The following KANSL1L variants were observed in gnomAD, a reference collection of about 807,000 sequenced individuals.
The protein encoded by KANSL1L is KAT8 regulatory NSL complex subunit 1 like.
A neutral mutation model predicts 108.6 loss-of-function variants in KANSL1L; 25 were observed. The ratio of observed to expected loss-of-function variants is 0.23; its 90% CI spans 0.17 to 0.32. The LOEUF is 0.32. Among genes scored for constraint, KANSL1L ranks in the 10% least tolerant of loss-of-function variants. The pLI is 1.00. For synonymous variants in KANSL1L, 405 were observed against 395.1 expected, an observed-to-expected ratio of 1.03 and a Z score of -0.30; for missense variants, 1,137 against 1,125.7, an observed-to-expected ratio of 1.01 and a Z score of -0.14.
chr2:210,117,518 T>C (rs975841648), intron 3 of KANSL1L, among the ~76,000 whole-genome samples: 1 of 151,918 alleles, frequency 6.6e-6, no homozygotes, highest in African/African-American at 2.4e-5. Context: ...AGAAACAACA[T>C]ACAAAGGAGC....
intron 3 of KANSL1L, among the ~76,000 whole-genome samples, chr2:210,126,825 T>A (rs1348425349): frequency 6.6e-6 from 1 of 152,044 alleles, no homozygotes; most frequent in Non-Finnish European, 1.5e-5. Context: ...CTCAAAAATA[T>A]ATATAAATAA....
intron 2 of KANSL1L, among the ~76,000 whole-genome samples, chr2:210,139,738 T>C (rs2095210695): frequency 6.6e-6 from 1 of 151,310 alleles, no homozygotes; most frequent in Non-Finnish European, 1.5e-5. Flanking sequence ...CCTTTGCCCA[T>C]TTCCTTTTTT....
chr2:210,034,639 T>C (rs2094075088), intron 8 of KANSL1L, among the ~76,000 whole-genome samples: 1 of 152,216 alleles, frequency 6.6e-6, no homozygotes, highest in Non-Finnish European at 1.5e-5. Flanking sequence ...AAAAGTCTAT[T>C]TCAGCAGTAT....
At chr2:210,162,278 G>C (rs1261442218) in intron 1 of KANSL1L, among the ~76,000 whole-genome samples, 1 of 123,864 alleles carries the variant, frequency 8.1e-6, no homozygotes, top group Non-Finnish European at 1.7e-5. Context: ...TAAAGAACTT[G>C]TTTCAAGACA....
intron 10 of KANSL1L, chr2:210,029,201 G>T (rs1218983484): frequency 5.2e-6 from 2 of 382,634 alleles, no homozygotes; most frequent in African/African-American, 4.2e-5. Context: ...ATGTGTGCAA[G>T]CATACAAGCT....
intron 5 of KANSL1L, among the ~76,000 whole-genome samples, chr2:210,079,650 A>ATATATATATGTGTG (rs1553653253): frequency 1.1e-3 from 21 of 19,520 alleles, no homozygotes; most frequent in East Asian, 3.8e-3. Flanking sequence ...ATATATATAT[A>ATATATATATGTGTG]TATATATATA....
chr2:210,129,321 C>A, intron 2 of KANSL1L, 149 bp from the exon 3 acceptor site: 1 of 620,722 alleles, frequency 1.6e-6, no homozygotes, highest in African/African-American at 1.9e-5. Flanking sequence ...AGATTGACTT[C>A]TTATCAAAGA....
Position 210,043,981 on chromosome 2 carries a change from C to T in KANSL1L, c.1879G>A (p.Glu627Lys). 6.2e-7 allele frequency: 1 copy of T among 1,604,862 alleles called. No individual in the cohort carries two copies. Among genetic ancestry groups the T allele is most frequent in the Non-Finnish European group, 8.5e-7 (1 of 1,175,514 alleles). Residue 627 changes from glutamate (E) to lysine (K), a missense_variant, in exon 7 of 15, where the codon GAG (glutamate) becomes AAG (lysine). Physicochemically the swap from Glu to Lys is moderately conservative, Grantham distance 56. Transcript: ENST00000281772. Reference protein sequence around the residue: ...ESYLLREHVSELDSSFHSVLS... With the variant: ...ESYLLREHVSKLDSSFHSVLS... ...ACAGAATGGAAAGAGGAATCTAACT[C>T]TGATACATGTTCTCTTAATAGGTAA... is the stretch of plus-strand genomic sequence containing the variant.
chr2:210,038,104 G>T (rs1420129643), intron 8 of KANSL1L, among the ~76,000 whole-genome samples: 1 of 151,986 alleles, frequency 6.6e-6, no homozygotes, highest in African/African-American at 2.4e-5. Context: ...ATATTCCACT[G>T]TAATGTATTT....
intron 2 of KANSL1L, among the ~76,000 whole-genome samples, chr2:210,150,192 C>T (rs963511651): frequency 3.3e-5 from 5 of 152,210 alleles, no homozygotes; most frequent in African/African-American, 1.2e-4. Flanking sequence ...TGAATCCCCT[C>T]TAGCTGATTA....
At chr2:210,076,015 T>C (rs1007686179) in intron 5 of KANSL1L, among the ~76,000 whole-genome samples, 3 of 152,174 alleles carry the variant, frequency 2.0e-5, no homozygotes, top group Non-Finnish European at 4.4e-5. Flanking sequence ...GCTCATGAGT[T>C]TACTAGTGTA....
At chr2:210,144,380 C>A (rs916129388) in intron 2 of KANSL1L, among the ~76,000 whole-genome samples, 6 of 152,150 alleles carry the variant, frequency 3.9e-5, no homozygotes, top group South Asian at 2.1e-4. Flanking sequence ...CGTTTTCAAT[C>A]ATTATTTCTT....
chr2:210,094,686 T>C (rs549921682), intron 5 of KANSL1L, among the ~76,000 whole-genome samples: 3 of 152,052 alleles, frequency 2.0e-5, no homozygotes, highest in South Asian at 4.1e-4. Flanking sequence ...ATTAAAAAAC[T>C]AAAATTTGTA....
intron 6 of KANSL1L, among the ~76,000 whole-genome samples, chr2:210,055,684 G>A (rs1472099594): frequency 2.0e-5 from 3 of 152,206 alleles, no homozygotes; most frequent in African/African-American, 7.2e-5. Flanking sequence ...CTTGCCCTGT[G>A]TTAGAAAAGA....
chr2:210,089,271 G>A (rs1346760608), intron 5 of KANSL1L, among the ~76,000 whole-genome samples: 1 of 152,058 alleles, frequency 6.6e-6, no homozygotes, highest in African/African-American at 2.4e-5. Flanking sequence ...TCTAGGGTAG[G>A]GTTTGAAGTC....
intron 2 of KANSL1L, among the ~76,000 whole-genome samples, chr2:210,139,378 G>A (rs945437759): frequency 2.0e-5 from 3 of 152,096 alleles, no homozygotes; most frequent in East Asian, 1.9e-4. Context: ...TGAGAGTGCA[G>A]GTATCAACTC....
At chr2:210,097,299 A>G in intron 5 of KANSL1L, 1 of 801,564 alleles carries the variant, frequency 1.2e-6, no homozygotes, top group African/African-American at 1.9e-5. Context: ...ATTTTATGCT[A>G]TATTAGAAAG....
intron 2 of KANSL1L, among the ~76,000 whole-genome samples, chr2:210,139,905 C>T (rs766272676): frequency 1.3e-5 from 2 of 151,946 alleles, no homozygotes; most frequent in Non-Finnish European, 2.9e-5. Flanking sequence ...CCATGCCTGG[C>T]TAACTTTTGT....
chr2:210,108,619 T>TA (rs558893260), intron 3 of KANSL1L, among the ~76,000 whole-genome samples: 24 of 152,174 alleles, frequency 1.6e-4, no homozygotes, highest in East Asian at 1.2e-3. Flanking sequence ...CTATTTGCTA[T>TA]AAAAAACGTG....
Sources: gnomAD v4.1 joint callset for allele counts (sites outside exome capture counted in the v4.1 genomes callset) on GRCh38, gnomAD v4.1.1 for gene constraint, MANE v1.5 for transcripts, NCBI Gene and HGNC (gene_info 2026-07-23, HGNC 2026-07-21) for gene names.